The following ZNF800 variants were observed in gnomAD, a reference collection of about 807,000 sequenced individuals.
ZNF800 encodes the protein zinc finger protein 800.
ZNF800 carries 13 observed loss-of-function variants against 59.5 expected under a neutral mutation model. The observed-to-expected ratio is 0.22, with a 90% CI of 0.14 to 0.35. The LOEUF is 0.35. ZNF800 is among the 10% of genes least tolerant of loss of function. The pLI is 1.00. For synonymous variants in ZNF800, 266 were observed against 265.7 expected (o/e 1.00, Z -0.01); for missense variants, 621 against 783.7 (o/e 0.79, Z 2.48).
At chr7:127,356,493 C>T (rs1033434092) in intron 1 of ZNF800, among the ~76,000 whole-genome samples, 1 of 151,750 alleles carries the variant, frequency 6.6e-6, no homozygotes, top group African/African-American at 2.4e-5. Flanking sequence ...TTCAAACACC[C>T]AAATACACAT....
In ZNF800 at chr7:127,389,842, A is replaced by G. The variant is rs776240599; in HGVS notation, c.61+1655T>C. ...GGGAGAAAAAAAAACAAGCAAAAAC[A>G]TTTCAATACACGTTAAAAAGCTCAA... On this transcript the variant is annotated intron_variant, in intron 2 of 5. Coordinates refer to ENST00000265827, the MANE Select transcript of ZNF800 (RefSeq NM_176814.5). 9.9e-5 allele frequency among the ~76,000 whole-genome samples: 15 copies of G among 152,272 alleles called. No homozygotes were observed. In the East Asian group the frequency reaches 1.7e-3, roughly 18 times the overall value.
downstream of ZNF800, among the ~76,000 whole-genome samples, chr7:127,343,634 ACCAATCTAGG>A (rs1800006835): frequency 6.6e-6 from 1 of 152,014 alleles, no homozygotes; most frequent in African/African-American, 2.4e-5. Flanking sequence ...TATGCTATGT[ACCAATCTAGG>A]TTTTTAAGCT....
rs1471238082 is a variant in ZNF800, at chr7:127,374,249, G to T, written c.1087C>A (p.Leu363Ile). 6.2e-7 allele frequency: 1 copy of T among 1,613,800 alleles called. No individual in the cohort carries two copies. Among genetic ancestry groups the T allele is most frequent in the Non-Finnish European group, 8.5e-7 (1 of 1,179,932 alleles). Residue 363 changes from leucine (L) to isoleucine (I), a missense_variant, in exon 5 of 6, where the codon CTT becomes ATT. By Grantham distance (5) the Leu-to-Ile change is conservative. This residue lies in a region of ZNF800 where 185 missense variants were observed against 177.6 expected (regional missense o/e 1.04). Coordinates refer to ENST00000265827, the MANE Select transcript of ZNF800 (RefSeq NM_176814.5). ...EYNLTACKCL[L>I]CKRKYSSQIM... ...TGTGAACTATATTTCCTCTTGCAAA[G>T]GAGGCATTTGCATGCAGTTAAATTG...
Position 127,391,566 on chromosome 7 carries a change from G to A in ZNF800, c.-9C>T, listed in dbSNP as rs751560089. On this transcript the variant is annotated 5_prime_UTR_variant, in exon 2 of 6. Transcript: ENST00000265827. ...TTGTCCCTTAAAGGCATTTTCAGTGGACTCGACCTACTTTGCTTTCACTGT... is the reference window on the plus strand; with the variant it reads ...TTGTCCCTTAAAGGCATTTTCAGTGAACTCGACCTACTTTGCTTTCACTGT... The A allele has an allele frequency of 6.2e-7, 1 of 1,613,862 alleles. No individual in the cohort carries two copies. The highest frequency in any genetic ancestry group is 8.5e-7 in the Non-Finnish European group (1 of 1,179,760).
rs372467662 is a variant in ZNF800 at position 127,374,131 on chromosome 7, T to C, written c.1205A>G (p.Asn402Ser). Reference protein sequence around the residue: ...KREKGPNNTANSSEIKVKVEP... With the variant: ...KREKGPNNTASSSEIKVKVEP... ...AACTTTAACTTTTATTTCTGAACTG[T>C]TGGCAGTATTATTAGGGCCTTTTTC... Residue 402 changes from asparagine to serine, a missense_variant, in exon 5 of 6, where the codon AAC becomes AGC. Around this residue, in one of 7 missense-constraint regions of ZNF800, gnomAD observed 185 missense variants for 177.6 expected, o/e 1.04. Coordinates refer to ENST00000265827, the MANE Select transcript of ZNF800 (RefSeq NM_176814.5). 17 of 1,613,616 alleles carry C rather than the reference T, an allele frequency of 1.1e-5. No individual in the cohort carries two copies. Among genetic ancestry groups the C allele is most frequent in the Middle Eastern group, 1.6e-4 (1 of 6,078 alleles).
downstream of ZNF800, among the ~76,000 whole-genome samples, chr7:127,343,109 T>A (rs1183387509): frequency 1.3e-5 from 2 of 151,990 alleles, no homozygotes; most frequent in East Asian, 3.9e-4. Context: ...AAAGTTATAG[T>A]CTTACGTGTC....
downstream of ZNF800, among the ~76,000 whole-genome samples, chr7:127,368,420 A>C (rs1211441031): frequency 1.3e-5 from 2 of 152,148 alleles, no homozygotes; most frequent in African/African-American, 2.4e-5. Flanking sequence ...CAGCACAGCC[A>C]ATATCCTGCT....
At chr7:127,382,882 G>A (rs1337025922) in intron 3 of ZNF800, among the ~76,000 whole-genome samples, 1 of 152,176 alleles carries the variant, frequency 6.6e-6, no homozygotes, top group Non-Finnish European at 1.5e-5. Flanking sequence ...GGGAACTGAA[G>A]GACAGAATAG....
At chr7:127,353,683 C>T (rs1800214139) in intron 1 of ZNF800, among the ~76,000 whole-genome samples, 1 of 152,118 alleles carries the variant, frequency 6.6e-6, no homozygotes, top group Non-Finnish European at 1.5e-5. Flanking sequence ...AAGTACTCAA[C>T]CTCTATGAAT....
intron 2 of ZNF800, among the ~76,000 whole-genome samples, chr7:127,389,111 T>G (rs1050643055): frequency 1.3e-5 from 2 of 152,058 alleles, no homozygotes; most frequent in African/African-American, 4.8e-5. Context: ...CCTTAAAAGA[T>G]CACTCTATTT....
At chr7:127,384,829 A>G (rs542029682) in intron 3 of ZNF800, among the ~76,000 whole-genome samples, 45 of 152,316 alleles carry the variant, frequency 3.0e-4, no homozygotes, top group African/African-American at 8.2e-4. Context: ...AATTTGACCT[A>G]TAAATTATCT....
Position 127,374,670 on chromosome 7 carries a change from G to C in ZNF800, c.666C>G (p.Asp222Glu). ...TCAACTGGTGACCAAAATCAGAATT[G>C]TCAGAAGTTTCCAAGTCAGCCTGCG... ...QESQADLETS[D>E]NSDFGHQLIC... is the part of the protein sequence containing the mutation. Residue 222 changes from aspartate to glutamate, a missense_variant, in exon 5 of 6, where the codon GAC (aspartate) becomes GAG (glutamate). Coordinates refer to ENST00000265827, the MANE Select transcript of ZNF800 (RefSeq NM_176814.5). The C allele has an allele frequency of 6.2e-7, 1 of 1,613,930 alleles. No individual in the cohort carries two copies. Among genetic ancestry groups the C allele is most frequent in the Non-Finnish European group, 8.5e-7 (1 of 1,179,888 alleles).
intron 2 of ZNF800, among the ~76,000 whole-genome samples, chr7:127,390,074 T>C (rs1432961749): frequency 6.6e-6 from 1 of 152,162 alleles, no homozygotes; most frequent in Non-Finnish European, 1.5e-5. Flanking sequence ...CAATAGATGT[T>C]CAATAACAAT....
At chr7:127,365,177 G>A (rs1276906407), downstream of ZNF800, among the ~76,000 whole-genome samples, 2 of 152,136 alleles carry the variant, frequency 1.3e-5, no homozygotes, top group Non-Finnish European at 2.9e-5. Context: ...TACAGTCAAT[G>A]TAGCACTACC....
intron 1 of ZNF800, among the ~76,000 whole-genome samples, chr7:127,353,340 C>T (rs1800205167): frequency 6.6e-6 from 1 of 152,064 alleles, no homozygotes; most frequent in South Asian, 2.1e-4. Flanking sequence ...ACTTTTTGTT[C>T]ATTATCTTAC....
At position 127,391,660 on chromosome 7, in the gene ZNF800, G is replaced by T. The variant is rs144065149; in HGVS notation, c.-58-45C>A. 3.0e-4 allele frequency: 306 copies of T among 1,021,778 alleles called. 1 individual carries two copies. The African/African-American group carries it at 4.1e-3, about 14-fold the overall frequency. 63.3% of individuals were successfully genotyped at this position (1,021,778 alleles called of 1,614,324 possible). ...CCCGTCACTCGCCCTGAACTTCCTGGGGGGCACTGGCTGCATTTTCCAGAT... is the reference window on the plus strand; with the variant it reads ...CCCGTCACTCGCCCTGAACTTCCTGTGGGGCACTGGCTGCATTTTCCAGAT... On this transcript the variant is annotated intron_variant, in intron 1 of 5. Coordinates refer to ENST00000265827, the MANE Select transcript of ZNF800 (RefSeq NM_176814.5).
At chr7:127,372,937 T>C in intron 5 of ZNF800, 1 of 984,834 alleles carries the variant, frequency 1.0e-6, no homozygotes, top group Non-Finnish European at 1.2e-6. Flanking sequence ...TCTAATATAT[T>C]TAACTTTCCT....
At position 127,374,311 on chromosome 7, in the gene ZNF800, T is replaced by C; in HGVS notation, c.1025A>G (p.Lys342Arg). 1.2e-6 allele frequency: 2 copies of C among 1,613,278 alleles called. No individual in the cohort carries two copies. Among genetic ancestry groups the C allele is most frequent in the Non-Finnish European group, 1.7e-6 (2 of 1,179,812 alleles). ...TGAAGAAGACTTTTGTTTTCGAGTC[T>C]TAAAAGATTTTTTAGGAGAAATAGA... is the stretch of plus-strand genomic sequence containing the variant. ...LDSISPKKSF[K>R]TRKQKSSSKA... The change falls in exon 5 of 6, where the codon AAG (lysine) becomes AGG (arginine). Residue 342 changes from lysine (K) to arginine (R), a missense_variant. Around this residue, in one of 7 missense-constraint regions of ZNF800, gnomAD observed 185 missense variants for 177.6 expected, o/e 1.04. Coordinates refer to ENST00000265827, the MANE Select transcript of ZNF800 (RefSeq NM_176814.5).
chr7:127,357,253 G>A (rs1252868926), intron 1 of ZNF800, among the ~76,000 whole-genome samples: 1 of 152,006 alleles, frequency 6.6e-6, no homozygotes, highest in Non-Finnish European at 1.5e-5. Context: ...GAAAGGAGGT[G>A]GAAAAGGGAA....
Sources: gnomAD v4.1 joint callset for allele counts (sites outside exome capture counted in the v4.1 genomes callset) on GRCh38, gnomAD v4.1.1 for gene constraint, gnomAD v4.1.1 regional missense constraint, MANE v1.5 for transcripts, NCBI Gene and HGNC (gene_info 2026-07-23, HGNC 2026-07-21) for gene names.